The following DNAH14 variants were observed in gnomAD, a reference collection of about 807,000 sequenced individuals.
DNAH14 encodes the protein dynein axonemal heavy chain 14.
In DNAH14, 478 loss-of-function variants were observed where a neutral mutation model predicts 520.9. The ratio of observed to expected loss-of-function variants is 0.92; its 90% CI spans 0.85 to 0.99. The LOEUF is 0.99. Among genes scored for constraint, DNAH14 ranks in the 50% least tolerant of loss-of-function variants. DNAH14 has a pLI of 0.00. For synonymous variants in DNAH14, 1,581 were observed against 1,757.2 expected, an observed-to-expected ratio of 0.90 and a Z score of 2.51; for missense variants, 4,831 against 5,234.5, an observed-to-expected ratio of 0.92 and a Z score of 2.38.
chr1:224,957,880 G>T (rs143671988), intron 3 of DNAH14, among the ~76,000 whole-genome samples: 74 of 152,228 alleles, frequency 4.9e-4, no homozygotes, highest in African/African-American at 1.7e-3. Context: ...AAGAAAGGCA[G>T]GATGTAGACT....
chr1:225,006,645 T>G (rs185351256), intron 9 of DNAH14, among the ~76,000 whole-genome samples: 92 of 152,336 alleles, frequency 6.0e-4, no homozygotes, highest in African/African-American at 2.2e-3. Context: ...AGATTGGTTG[T>G]CTGCTCTCAA....
At chr1:225,121,415 T>C (rs1018364309) in intron 26 of DNAH14, among the ~76,000 whole-genome samples, 4 of 152,156 alleles carry the variant, frequency 2.6e-5, no homozygotes, top group African/African-American at 9.7e-5. Flanking sequence ...CCTCCCCACT[T>C]TCACCCTCTG....
At chr1:225,198,273 A>T (rs2086405538) in intron 38 of DNAH14, among the ~76,000 whole-genome samples, 1 of 150,390 alleles carries the variant, frequency 6.6e-6, no homozygotes, top group Non-Finnish European at 1.5e-5. Flanking sequence ...GCTGGAGTGC[A>T]GTGGTGCGAT....
At chr1:225,085,899 C>A in intron 21 of DNAH14, 110 bp downstream of exon 21, 4 of 1,080,538 alleles carry the variant, frequency 3.7e-6, no homozygotes, top group Non-Finnish European at 4.9e-6. Flanking sequence ...CATTCATATA[C>A]TTATATAAAA....
chr1:224,939,155 T>A (rs1345990034), intron 1 of DNAH14, among the ~76,000 whole-genome samples: 1 of 152,216 alleles, frequency 6.6e-6, no homozygotes, highest in Admixed American at 6.5e-5. Flanking sequence ...ATAACAATTT[T>A]AAAAATACAA....
chr1:225,164,593 T>C (rs2081861078), intron 35 of DNAH14, among the ~76,000 whole-genome samples: 1 of 152,154 alleles, frequency 6.6e-6, no homozygotes, highest in African/African-American at 2.4e-5. Flanking sequence ...CACTATGGGG[T>C]AGATCGAGTT....
rs1467298215 is a variant in DNAH14 at position 225,353,903 on chromosome 1, G to C, written c.11619+15G>C. The C allele has an allele frequency of 7.5e-7, 1 of 1,326,350 alleles. No homozygotes were observed. The highest frequency in any genetic ancestry group is 2.3e-5 in the Admixed American group (1 of 43,824). The allele number at this position is 1,326,350 out of a possible 1,614,324, so 82.2% of individuals were successfully genotyped here. A position where few individuals can be genotyped will look rare whatever the true frequency, so the allele number is the denominator to read the frequency against. ...GACTTATTTTGGTAAGATATCTTAT[G>C]AGGAAATATTAATATTCTAAATATT... On this transcript the variant is annotated intron_variant, in intron 73 of 85. Coordinates refer to ENST00000682510, the MANE Select transcript of DNAH14 (RefSeq NM_001367479.1).
chr1:225,013,270 C>G (rs1390349754), intron 10 of DNAH14, among the ~76,000 whole-genome samples: 1 of 152,116 alleles, frequency 6.6e-6, no homozygotes, highest in Non-Finnish European at 1.5e-5. Flanking sequence ...ACTTTAGCCC[C>G]TGTTTGCCTG....
At chr1:225,102,321 T>C (rs578013754) in intron 23 of DNAH14, among the ~76,000 whole-genome samples, 5,515 of 152,186 alleles carry the variant, frequency 0.036, 311 homozygotes, top group African/African-American at 0.13. Context: ...TCCAAGTCTT[T>C]GCTATTGTGA....
At chr1:225,168,930 C>T (rs566874635) in intron 36 of DNAH14, among the ~76,000 whole-genome samples, 17 of 152,246 alleles carry the variant, frequency 1.1e-4, no homozygotes, top group Admixed American at 2.6e-4. Context: ...CTCACACGGC[C>T]GGGTACTCCT....
intron 34 of DNAH14, among the ~76,000 whole-genome samples, chr1:225,158,299 G>A (rs997250148): frequency 6.6e-6 from 1 of 152,106 alleles, no homozygotes; most frequent in Non-Finnish European, 1.5e-5. Context: ...GGCTTAAATA[G>A]TAGAGGGAAC....
chr1:225,189,485 T>C (rs2085146443), intron 37 of DNAH14, among the ~76,000 whole-genome samples: 1 of 151,610 alleles, frequency 6.6e-6, no homozygotes, highest in African/African-American at 2.4e-5. Context: ...GGAATTTATC[T>C]ACCAGTTGTA....
At chr1:225,315,217 G>T (rs1355334963) in intron 60 of DNAH14, among the ~76,000 whole-genome samples, 4 of 151,098 alleles carry the variant, frequency 2.6e-5, no homozygotes, top group Non-Finnish European at 5.9e-5. Flanking sequence ...CCTTTCTTCT[G>T]CTTGATTGAT....
At chr1:225,094,446 C>A (rs182866058) in intron 21 of DNAH14, among the ~76,000 whole-genome samples, 1 of 151,904 alleles carries the variant, frequency 6.6e-6, no homozygotes, top group African/African-American at 2.4e-5. Context: ...GAAACTGGAA[C>A]CCTTCCTTTC....
intron 36 of DNAH14, among the ~76,000 whole-genome samples, chr1:225,181,478 T>A (rs1347601346): frequency 6.6e-6 from 1 of 152,226 alleles, no homozygotes; most frequent in Non-Finnish European, 1.5e-5. Context: ...CTCTACAGCA[T>A]CACCAGCATA....
intron 73 of DNAH14, 82 bp from the exon 74 acceptor site, chr1:225,358,414 T>C: frequency 8.2e-7 from 1 of 1,216,324 alleles, no homozygotes; most frequent in Non-Finnish European, 1.1e-6. Flanking sequence ...GAATACTTCT[T>C]ATTTTTGTTT....
chr1:224,997,932 G>T (rs1187995821), intron 8 of DNAH14, among the ~76,000 whole-genome samples: 1 of 152,044 alleles, frequency 6.6e-6, no homozygotes, highest in Non-Finnish European at 1.5e-5. Flanking sequence ...TGAACAATGA[G>T]AACACATGGA....
intron 35 of DNAH14, among the ~76,000 whole-genome samples, chr1:225,160,477 A>G (rs2081406038): frequency 6.6e-6 from 1 of 152,194 alleles, no homozygotes. Context: ...ACCATTTATT[A>G]GGTGATGTAG....
intron 65 of DNAH14, 133 bp from the exon 66 acceptor site, chr1:225,333,150 ATTATTAAC>A: frequency 3.0e-6 from 2 of 663,812 alleles, no homozygotes; most frequent in Admixed American, 6.3e-5. Context: ...AATATTATCC[ATTATTAAC>A]TTTGATACAG....
Sources: gnomAD v4.1 joint callset for allele counts (sites outside exome capture counted in the v4.1 genomes callset) on GRCh38, gnomAD v4.1.1 for gene constraint, MANE v1.5 for transcripts, NCBI Gene and HGNC (gene_info 2026-07-23, HGNC 2026-07-21) for gene names.